The following UBE3D variants were observed in gnomAD, a reference collection of about 807,000 sequenced individuals.
The protein encoded by UBE3D is E3 ubiquitin-protein ligase E3D.
A neutral mutation model predicts 49.6 loss-of-function variants in UBE3D; 48 were observed. That is an observed-to-expected ratio of 0.97 (90% confidence interval 0.77 to 1.23). The LOEUF (loss-of-function observed/expected upper bound fraction) is 1.23, where lower values mean the gene tolerates loss of function less well. UBE3D is among the 50% of genes most tolerant of loss of function. UBE3D has a pLI of 0.00. For missense variants in UBE3D, 452 were observed against 468.4 expected, an observed-to-expected ratio of 0.96 and a Z score of 0.32; for synonymous variants, 189 against 174.2, an observed-to-expected ratio of 1.08 and a Z score of -0.67.
At position 82,895,652 on chromosome 6, in the gene UBE3D, A is replaced by C. The variant is rs187081296; in HGVS notation, c.1150-2610T>G. 2.1e-3 allele frequency among the ~76,000 whole-genome samples: 324 copies of C among 152,368 alleles called. 4 individuals carry two copies. The highest frequency in any genetic ancestry group is 3.2e-3 in the Non-Finnish European group (216 of 68,038). On this transcript the variant is annotated intron_variant, in intron 9 of 9. Transcript: ENST00000369747. ...CATCCACAGCACAGTCCTATGGTTT[A>C]GTAAAGCAGGCATTTGAATCTTTGT...
chr6:83,061,026 CTA>C (rs1259911746), intron 1 of UBE3D, among the ~76,000 whole-genome samples: 2 of 152,190 alleles, frequency 1.3e-5, no homozygotes. Context: ...ATGGCAGACA[CTA>C]TCTTACTTTA....
At chr6:82,938,029 T>G (rs753870410) in intron 9 of UBE3D, among the ~76,000 whole-genome samples, 27 of 151,996 alleles carry the variant, frequency 1.8e-4, no homozygotes, top group Non-Finnish European at 3.1e-4. Flanking sequence ...TAATCTGACT[T>G]TATCTATATT....
chr6:83,009,983 C>T (rs563869806), intron 8 of UBE3D, among the ~76,000 whole-genome samples: 10 of 151,530 alleles, frequency 6.6e-5, no homozygotes, highest in Non-Finnish European at 1.5e-4. Context: ...TGGAGGAGGG[C>T]TTCAGCTTAA....
chr6:82,988,280 T>C (rs1562156159), intron 8 of UBE3D, among the ~76,000 whole-genome samples: 1 of 152,154 alleles, frequency 6.6e-6, no homozygotes, highest in Non-Finnish European at 1.5e-5. Context: ...CCTACCTACC[T>C]ATCAAGTTTT....
chr6:82,951,842 T>C (rs544739725), intron 9 of UBE3D, among the ~76,000 whole-genome samples: 3 of 152,236 alleles, frequency 2.0e-5, no homozygotes, highest in Non-Finnish European at 2.9e-5. Context: ...AAGAAAGAGA[T>C]GGTATCCTCC....
chr6:82,898,161 T>C (rs1175242765), intron 9 of UBE3D, among the ~76,000 whole-genome samples: 3 of 152,122 alleles, frequency 2.0e-5, no homozygotes, highest in Non-Finnish European at 4.4e-5. Context: ...ATGGCGATCA[T>C]TAAAAAGTCA....
At chr6:82,963,007 T>C (rs1776662715) in intron 8 of UBE3D, among the ~76,000 whole-genome samples, 1 of 152,202 alleles carries the variant, frequency 6.6e-6, no homozygotes, top group South Asian at 2.1e-4. Context: ...GTCTCAGGAC[T>C]TATTTCTAAT....
chr6:83,025,816 G>T (rs1350562135), intron 5 of UBE3D, among the ~76,000 whole-genome samples: 1 of 145,484 alleles, frequency 6.9e-6, no homozygotes, highest in East Asian at 2.1e-4. Context: ...CCAGGAGGCA[G>T]ATGTTGCAGT....
intron 9 of UBE3D, chr6:82,893,920 C>A (rs974973703): frequency 1.3e-5 from 2 of 152,148 alleles, no homozygotes; most frequent in Admixed American, 1.3e-4. Context: ...TCACACAGGG[C>A]AGAAAGCATC....
rs112778477 is a variant in UBE3D, at chr6:82,959,499, T to A, written c.1011-2049A>T. Among the ~76,000 whole-genome samples the A allele has an allele frequency of 8.2e-3, 1,249 of 151,734 alleles. 21 individuals are homozygous for A. The highest frequency in any genetic ancestry group is 0.029 in the African/African-American group (1,181 of 41,366). On this transcript the variant is annotated intron_variant, in intron 8 of 9. Transcript: ENST00000369747. ...CTCTGAGGTCTAACACCCAAGCTCT[T>A]CCTTGCAGAAGAGCTGAGATGCTAA... is the stretch of plus-strand genomic sequence containing the variant.
chr6:83,060,064 G>T (rs1261815683), intron 1 of UBE3D, among the ~76,000 whole-genome samples: 1 of 152,146 alleles, frequency 6.6e-6, no homozygotes, highest in African/African-American at 2.4e-5. Context: ...CTCATCAGGG[G>T]GGCCCCGCCC....
chr6:82,898,027 C>T (rs1157743338), intron 9 of UBE3D, among the ~76,000 whole-genome samples: 1 of 152,186 alleles, frequency 6.6e-6, no homozygotes, highest in African/African-American at 2.4e-5. Flanking sequence ...AGGATATGAA[C>T]AGACACTTCT....
chr6:82,887,394 T>TGTTTTGTTTTTTTTTTG (rs764187205), downstream of UBE3D, among the ~76,000 whole-genome samples: 1 of 131,414 alleles, frequency 7.6e-6, no homozygotes, highest in African/African-American at 3.1e-5. Flanking sequence ...TAACAGTTTT[T>TGTTTTGTTTTTTTTTTG]TTTTTTTTTT....
In UBE3D at chr6:83,065,725, C is replaced by G; in HGVS notation, c.-7G>C. On this transcript the variant is annotated 5_prime_UTR_variant, in exon 1 of 10. Coordinates refer to ENST00000369747, the MANE Select transcript of UBE3D (RefSeq NM_198920.3). ...CCGCCGCAGAAGCCGCCATGGCAGG[C>G]TTCCAGTCCCAGACCGGACCAAGCT... 6.2e-7 allele frequency: 1 copy of G among 1,609,314 alleles called. No individual in the cohort carries two copies. Among genetic ancestry groups the G allele is most frequent in the South Asian group, 1.1e-5 (1 of 90,268 alleles).
At chr6:82,938,590 G>A (rs1774768840) in intron 9 of UBE3D, 1 of 152,194 alleles carries the variant, frequency 6.6e-6, no homozygotes, top group Non-Finnish European at 1.5e-5. Flanking sequence ...GGTTAATAAG[G>A]AGCAGTGAAG....
chr6:83,022,595 A>G lies in UBE3D; in HGVS notation c.738-34T>C, dbSNP rs113284088. 2,711 of 1,493,960 alleles carry G rather than the reference A, an allele frequency of 1.8e-3. 33 individuals carry two copies. In the African/African-American group the frequency reaches 0.033, roughly 18 times the overall value. 92.5% of individuals were successfully genotyped at this position (1,493,960 alleles called of 1,614,324 possible). On this transcript the variant is annotated intron_variant, in intron 6 of 9. Coordinates refer to ENST00000369747, the MANE Select transcript of UBE3D (RefSeq NM_198920.3). ...ACAGAAATCAATTTTTACAATGTGT[A>G]TCTCATAATAACTCTAACTGGCAAG...
At position 83,053,574 on chromosome 6, in the gene UBE3D, C is replaced by A. The variant is rs555202059; in HGVS notation, c.365+574G>T. Among the ~76,000 whole-genome samples, 4 of 152,176 alleles carry A rather than the reference C, an allele frequency of 2.6e-5. No homozygotes were observed. In the East Asian group the frequency reaches 5.8e-4, roughly 22 times the overall value. ...CTGTAAAAAAACCCAAAAACAACAA[C>A]AACAACGAAAAAACCAACAAAGAGT... On this transcript the variant is annotated intron_variant, in intron 3 of 9. Transcript: ENST00000369747.
chr6:83,008,770 A>G (rs1780155635), intron 8 of UBE3D, among the ~76,000 whole-genome samples: 1 of 152,206 alleles, frequency 6.6e-6, no homozygotes, highest in Admixed American at 6.5e-5. Context: ...CAGCTTGTTC[A>G]GTCACACCCA....
chr6:82,961,572 C>T (rs1776550142), intron 8 of UBE3D, among the ~76,000 whole-genome samples: 1 of 152,240 alleles, frequency 6.6e-6, no homozygotes, highest in Non-Finnish European at 1.5e-5. Context: ...CACCACACCA[C>T]ACTGACTGCT....
Sources: gnomAD v4.1 joint callset for allele counts (sites outside exome capture counted in the v4.1 genomes callset) on GRCh38, gnomAD v4.1.1 for gene constraint, MANE v1.5 for transcripts, NCBI Gene and HGNC (gene_info 2026-07-23, HGNC 2026-07-21) for gene names.